Variants in ST8SIA5 observed in about 807,000 individuals in gnomAD.
The protein encoded by ST8SIA5 is ST8 alpha-N-acetyl-neuraminide alpha-2,8-sialyltransferase 5, also known as alpha-2,8-sialyltransferase 8E.
In ST8SIA5, 24 loss-of-function variants were observed where a neutral mutation model predicts 40.2. The ratio of observed to expected loss-of-function variants is 0.60; its 90% CI spans 0.43 to 0.84. The LOEUF is 0.84. Among genes scored for constraint, ST8SIA5 ranks in the 40% least tolerant of loss-of-function variants. ST8SIA5 has a pLI of 0.00. For missense variants in ST8SIA5, 465 were observed against 498.5 expected (o/e 0.93, Z 0.64); for synonymous variants, 198 against 201.8 (o/e 0.98, Z 0.16).
intron 1 of ST8SIA5, among the ~76,000 whole-genome samples, chr18:46,725,420 C>T (rs1443190536): frequency 1.3e-5 from 2 of 152,134 alleles, no homozygotes; most frequent in Non-Finnish European, 2.9e-5. Context: ...CATCCTCCTA[C>T]CCATGGTGAG....
intron 1 of ST8SIA5, among the ~76,000 whole-genome samples, chr18:46,749,106 A>G (rs1213165013): frequency 6.6e-6 from 1 of 152,244 alleles, no homozygotes; most frequent in Non-Finnish European, 1.5e-5. Context: ...TGTCAATCAC[A>G]TAGGACAACA....
chr18:46,744,599 C>T (rs796630163), intron 1 of ST8SIA5, among the ~76,000 whole-genome samples: 1 of 152,140 alleles, frequency 6.6e-6, no homozygotes, highest in South Asian at 2.1e-4. Context: ...GACTTAGACT[C>T]CCACACAATA....
At position 46,669,071 on chromosome 18, in the gene ST8SIA5, AC is replaced by A. The variant is rs941686905; in HGVS notation, c.*10970del. The A allele has an allele frequency of 7.9e-5, 12 of 152,520 alleles. No individual in the cohort carries two copies. The highest frequency in any genetic ancestry group is 2.7e-4 in the African/African-American group (11 of 41,484). The allele number at this position is 152,520 out of a possible 1,614,324, so 9.4% of individuals were successfully genotyped here. ...CCCTTCTGTCCCACTAGGTTCAGCC[AC>A]CCAAGGCTGCTGGTTCGGGTGCCCT... On this transcript the variant is annotated 3_prime_UTR_variant, in exon 7 of 7. Transcript: ENST00000315087.
At chr18:46,700,946 T>C (rs1000268909) in intron 2 of ST8SIA5, among the ~76,000 whole-genome samples, 1 of 152,072 alleles carries the variant, frequency 6.6e-6, no homozygotes, top group Non-Finnish European at 1.5e-5. Flanking sequence ...TATGAGGTTG[T>C]CCATGACACT....
intron 1 of ST8SIA5, among the ~76,000 whole-genome samples, chr18:46,752,740 G>A (rs1010429784): frequency 6.6e-6 from 1 of 152,218 alleles, no homozygotes; most frequent in East Asian, 1.9e-4. Context: ...CTCCCTGGAA[G>A]AGCCTGCCTT....
In ST8SIA5 at chr18:46,695,163, GA is replaced by G. The variant is rs59787548; in HGVS notation, c.225-2909del. Reference sequence around the variant, plus strand: ...GACAGAGCAAGAATCCATCTCAAAAGAAAAAAAAAAAAAACCCTTTTTAAAA... The same window carrying G: ...GACAGAGCAAGAATCCATCTCAAAAGAAAAAAAAAAAAACCCTTTTTAAAA... On this transcript the variant is annotated intron_variant, in intron 2 of 6. Transcript: ENST00000315087. Among the ~76,000 whole-genome samples, 683 of 137,416 alleles carry G rather than the reference GA, an allele frequency of 5.0e-3. 4 individuals carry two copies. The highest frequency in any genetic ancestry group is 0.016 in the African/African-American group (602 of 36,928). The allele number at this position is 137,416 out of a possible 152,430, so 90.2% of individuals were successfully genotyped here.
At chr18:46,700,265 G>C (rs1439385550) in intron 2 of ST8SIA5, among the ~76,000 whole-genome samples, 2 of 152,228 alleles carry the variant, frequency 1.3e-5, no homozygotes, top group Non-Finnish European at 2.9e-5. Context: ...TTGTGGATCA[G>C]AATTGTTCCC....
chr18:46,755,111 T>C (rs1355560380), intron 1 of ST8SIA5, among the ~76,000 whole-genome samples: 1 of 152,142 alleles, frequency 6.6e-6, no homozygotes, highest in Non-Finnish European at 1.5e-5. Flanking sequence ...TGTAAACAAA[T>C]GTTCAGAACA....
intron 4 of ST8SIA5, 53 bp downstream of exon 4, chr18:46,688,722 C>T: frequency 6.4e-7 from 1 of 1,571,340 alleles, no homozygotes; most frequent in Non-Finnish European, 8.6e-7. Flanking sequence ...CGGAGGGCTA[C>T]TGCTGGATTG....
At chr18:46,725,442 C>T (rs2039907283) in intron 1 of ST8SIA5, among the ~76,000 whole-genome samples, 1 of 152,098 alleles carries the variant, frequency 6.6e-6, no homozygotes, top group African/African-American at 2.4e-5. Context: ...CCCCATGTCC[C>T]TTCACATGGC....
chr18:46,734,272 G>T (rs905625624), intron 1 of ST8SIA5, among the ~76,000 whole-genome samples: 4 of 152,144 alleles, frequency 2.6e-5, no homozygotes, highest in Admixed American at 2.6e-4. Flanking sequence ...AAAAGGAAGG[G>T]GTTTCATTCA....
At position 46,673,307 on chromosome 18, in the gene ST8SIA5, G is replaced by A. The variant is rs1050013981; in HGVS notation, c.*6735C>T. On this transcript the variant is annotated 3_prime_UTR_variant, in exon 7 of 7. Coordinates refer to ENST00000315087, the MANE Select transcript of ST8SIA5 (RefSeq NM_013305.6). ...CCAATTTTGTAAATGTTAGATTCCCGAGCACTTGACTTTTGTTGCTAGGTA... is the reference window on the plus strand; with the variant it reads ...CCAATTTTGTAAATGTTAGATTCCCAAGCACTTGACTTTTGTTGCTAGGTA... The A allele has an allele frequency of 1.5e-4, 23 of 152,120 alleles. No individual in the cohort carries two copies. The highest frequency in any genetic ancestry group is 4.1e-4 in the South Asian group (2 of 4,824). The allele number at this position is 152,120 out of a possible 1,614,324, so 9.4% of individuals were successfully genotyped here. A position where few individuals can be genotyped will look rare whatever the true frequency, so the allele number is the denominator to read the frequency against.
chr18:46,681,726 G>A (rs1250125711), intron 6 of ST8SIA5, among the ~76,000 whole-genome samples: 1 of 152,186 alleles, frequency 6.6e-6, no homozygotes, highest in Non-Finnish European at 1.5e-5. Context: ...AAATGGAAAT[G>A]GGTGAAGTTT....
chr18:46,727,179 C>CCTCA (rs1222870394), intron 1 of ST8SIA5, among the ~76,000 whole-genome samples: 1 of 152,242 alleles, frequency 6.6e-6, no homozygotes, highest in Admixed American at 6.5e-5. Context: ...TGTGGTGCCA[C>CCTCA]CTCACGCCCA....
chr18:46,754,916 C>T (rs2040227357), intron 1 of ST8SIA5, among the ~76,000 whole-genome samples: 1 of 152,322 alleles, frequency 6.6e-6, no homozygotes, highest in Middle Eastern at 3.4e-3. Context: ...CTGTGGGGGA[C>T]CCAGCTGTCC....
intron 1 of ST8SIA5, among the ~76,000 whole-genome samples, chr18:46,717,951 T>C (rs2039809337): frequency 6.6e-6 from 1 of 152,184 alleles, no homozygotes; most frequent in Non-Finnish European, 1.5e-5. Flanking sequence ...ACTGAGACGA[T>C]GGAAGCACAA....
intron 3 of ST8SIA5, 68 bp from the exon 4 acceptor site, chr18:46,688,987 C>T (rs2039476156): frequency 6.5e-7 from 1 of 1,547,214 alleles, no homozygotes; most frequent in South Asian, 1.2e-5. Context: ...CAGAGCACAA[C>T]CTCACGGAGA....
In ST8SIA5 at chr18:46,679,459, T is replaced by A. The variant is rs915978432; in HGVS notation, c.*583A>T. The stretch of plus-strand genomic sequence containing the variant: ...CGGGTGGTGTGGCTTGGCTGTTAAG[T>A]CCCTGGACCTCTTGAGATCACTTTC... On this transcript the variant is annotated 3_prime_UTR_variant, in exon 7 of 7. Transcript: ENST00000315087. 6 of 155,344 alleles carry A rather than the reference T, an allele frequency of 3.9e-5. No homozygotes were observed. Among genetic ancestry groups the A allele is most frequent in the African/African-American group, 1.4e-4 (6 of 41,414 alleles). 9.6% of individuals were successfully genotyped at this position (155,344 alleles called of 1,614,324 possible).
Position 46,689,014 on chromosome 18 carries a change from G to A in ST8SIA5, c.312-95C>T, listed in dbSNP as rs550548841. 3.4e-5 allele frequency: 50 copies of A among 1,450,312 alleles called. No homozygotes were observed. In the East Asian group the frequency reaches 5.3e-4, roughly 15 times the overall value. The allele number at this position is 1,450,312 out of a possible 1,614,324, so 89.8% of individuals were successfully genotyped here. A position where few individuals can be genotyped will look rare whatever the true frequency, so the allele number is the denominator to read the frequency against. ...TCACGGAGAACAGAGGGGTGGAGCCGAGGCCTCTCCTGCTCACCTATCCCA... is the reference window on the plus strand; with the variant it reads ...TCACGGAGAACAGAGGGGTGGAGCCAAGGCCTCTCCTGCTCACCTATCCCA... On this transcript the variant is annotated intron_variant, in intron 3 of 6. Transcript: ENST00000315087.
Sources: gnomAD v4.1 joint callset for allele counts (sites outside exome capture counted in the v4.1 genomes callset) on GRCh38, gnomAD v4.1.1 for gene constraint, MANE v1.5 for transcripts, NCBI Gene and HGNC (gene_info 2026-07-23, HGNC 2026-07-21) for gene names.